The following COLEC10 variants were observed in gnomAD, a reference collection of about 807,000 sequenced individuals.
COLEC10 encodes collectin-10.
COLEC10 carries 22 observed loss-of-function variants against 28.4 expected under a neutral mutation model. The observed-to-expected ratio is 0.78, with a 90% confidence interval of 0.55 to 1.11. The LOEUF (loss-of-function observed/expected upper bound fraction) is 1.11. Among genes scored for constraint, COLEC10 ranks in the 50% least tolerant of loss-of-function variants. COLEC10 has a pLI of 0.00. For missense variants in COLEC10, 361 were observed against 344.1 expected (o/e 1.05, Z -0.39); for synonymous variants, 125 against 116.1 (o/e 1.08, Z -0.49).
At chr8:118,967,643 G>T in the COLEC10 span, among the ~76,000 whole-genome samples, 2 of 152,070 alleles carry the variant, frequency 1.3e-5, no homozygotes, top group South Asian at 2.1e-4. Context: ...ATTTCAGGCT[G>T]CTCAGAGGCT....
At chr8:119,086,028 A>G (rs1033068147) in intron 1 of COLEC10, among the ~76,000 whole-genome samples, 5 of 152,134 alleles carry the variant, frequency 3.3e-5, no homozygotes, top group African/African-American at 1.2e-4. Flanking sequence ...TAATTTTAGC[A>G]TCTCCAAAAT....
the COLEC10 span, among the ~76,000 whole-genome samples, chr8:118,989,534 T>TACACACACACACACACACAC: frequency 2.3e-5 from 3 of 128,660 alleles, no homozygotes; most frequent in African/African-American, 8.9e-5. Flanking sequence ...ACAGACAAAA[T>TACACACACACACACACACAC]ACACACACAC....
upstream of COLEC10, among the ~76,000 whole-genome samples, chr8:118,994,384 C>T (rs1031647775): frequency 3.9e-5 from 6 of 152,150 alleles, no homozygotes; most frequent in Admixed American, 2.0e-4. Flanking sequence ...TTTACATATA[C>T]ATAAAGTTAC....
chr8:118,977,215 A>G, the COLEC10 span, among the ~76,000 whole-genome samples: 1 of 144,222 alleles, frequency 6.9e-6, no homozygotes, highest in African/African-American at 2.5e-5. Context: ...ATCTAGAACT[A>G]GAAATACCAT....
upstream of COLEC10, among the ~76,000 whole-genome samples, chr8:119,064,257 ACACATTATATAGGAATGT>A (rs1297378625): frequency 0.011 from 1,644 of 152,318 alleles, 31 homozygotes; most frequent in African/African-American, 0.037. Context: ...GTAGTATAGT[ACACATTATATAGGAATGT>A]ATTTATATGC....
chr8:118,998,683 C>CAA (rs71569784), intron 1 of COLEC10, among the ~76,000 whole-genome samples: 21,871 of 139,332 alleles, frequency 0.16, 1,777 homozygotes, highest in African/African-American at 0.21. Context: ...CTGAAAAATA[C>CAA]AAAAAAAAAA....
intron 2 of COLEC10, among the ~76,000 whole-genome samples, chr8:119,044,296 TAAGAA>T (rs1437271058): frequency 1.3e-5 from 2 of 152,180 alleles, no homozygotes; most frequent in Non-Finnish European, 2.9e-5. Context: ...TGTCTTCCTA[TAAGAA>T]AATATACAAA....
rs906564481 is a variant in COLEC10 at position 119,107,784 on chromosome 8, C to T, written c.*1593C>T. Among the ~76,000 whole-genome samples, 3 of 152,104 alleles carry T rather than the reference C, an allele frequency of 2.0e-5. No homozygotes were observed. Among genetic ancestry groups the T allele is most frequent in the Non-Finnish European group, 2.9e-5 (2 of 68,016 alleles). ...GCTGCTGCTGGTGCTAGGGAGGACC[C>T]AATCTTGCTAAATGTGCTGATATTT... On this transcript the variant is annotated 3_prime_UTR_variant, in exon 6 of 6. Coordinates refer to ENST00000332843, the MANE Select transcript of COLEC10 (RefSeq NM_006438.5).
chr8:119,076,856 A>G (rs1182798285), intron 1 of COLEC10, among the ~76,000 whole-genome samples: 2 of 152,348 alleles, frequency 1.3e-5, no homozygotes, highest in Non-Finnish European at 2.9e-5. Context: ...AAAGAGGCCC[A>G]TATGTCCAAT....
At chr8:119,008,277 A>G (rs1206865660) in intron 1 of COLEC10, among the ~76,000 whole-genome samples, 3 of 150,868 alleles carry the variant, frequency 2.0e-5, no homozygotes, top group Non-Finnish European at 2.9e-5. Flanking sequence ...AAAGGAGCTA[A>G]TCTGGGAACT....
intron 2 of COLEC10, among the ~76,000 whole-genome samples, chr8:119,050,132 C>A (rs896238194): frequency 6.6e-6 from 1 of 152,276 alleles, no homozygotes; most frequent in South Asian, 2.1e-4. Context: ...AAAGTACTTG[C>A]AACATGAATG....
rs758779378 is a variant in COLEC10, at chr8:119,106,876, C to T, written c.*685C>T. On this transcript the variant is annotated 3_prime_UTR_variant, in exon 6 of 6. Coordinates refer to ENST00000332843, the MANE Select transcript of COLEC10 (RefSeq NM_006438.5). ...CATATACCAAGTAGGTGCTTTGAAC[C>T]CCTTTCTGTAGGCTCACACCTTAAT... Among the ~76,000 whole-genome samples, 3 of 152,046 alleles carry T rather than the reference C, an allele frequency of 2.0e-5. No individual in the cohort carries two copies. Among genetic ancestry groups the T allele is most frequent in the Non-Finnish European group, 4.4e-5 (3 of 68,004 alleles).
In COLEC10 at chr8:119,091,225, G is replaced by A. The variant is rs765065457; in HGVS notation, c.292+5G>A. 1 of 1,609,360 alleles carries A rather than the reference G, an allele frequency of 6.2e-7. No homozygotes were observed. Among genetic ancestry groups the A allele is most frequent in the African/African-American group, 1.3e-5 (1 of 74,874 alleles). On this transcript the variant is annotated splice_donor_5th_base_variant and intron_variant, in intron 3 of 5. Coordinates refer to ENST00000332843, the MANE Select transcript of COLEC10 (RefSeq NM_006438.5). ...CTGGGCCCATTGGGAAGAAGGGTAA[G>A]TTGCATCTTACTATTCTCCAGTAGC... is the stretch of plus-strand genomic sequence containing the variant.
At chr8:119,069,618 AAAAAAAAAAAAATATATATAT>A (rs1462469481) in intron 1 of COLEC10, among the ~76,000 whole-genome samples, 6 of 71,026 alleles carry the variant, frequency 8.4e-5, no homozygotes, top group African/African-American at 3.9e-4. Flanking sequence ...AAAAAAAAAA[AAAAAAAAAAAAATATATATAT>A]ATATATATAT....
intron 2 of COLEC10, among the ~76,000 whole-genome samples, chr8:119,049,249 C>G (rs114680000): frequency 0.015 from 2,238 of 152,162 alleles, 64 homozygotes; most frequent in African/African-American, 0.051. Context: ...TGATCTTTCT[C>G]TCTAGCTGCC....
intron 1 of COLEC10, among the ~76,000 whole-genome samples, chr8:119,087,435 C>T (rs1295572135): frequency 1.3e-5 from 2 of 152,044 alleles, no homozygotes; most frequent in East Asian, 3.9e-4. Flanking sequence ...TTGCTAAACA[C>T]CCTCTGGAAA....
upstream of COLEC10, among the ~76,000 whole-genome samples, chr8:118,994,825 A>G (rs1213218835): frequency 6.6e-6 from 1 of 152,192 alleles, no homozygotes; most frequent in East Asian, 1.9e-4. Flanking sequence ...AATTATGCAC[A>G]TACACTAGAA....
the COLEC10 span, among the ~76,000 whole-genome samples, chr8:118,975,844 T>C: frequency 6.6e-6 from 1 of 151,980 alleles, no homozygotes; most frequent in Non-Finnish European, 1.5e-5. Flanking sequence ...AAGAAGGTAG[T>C]GTTAATTCTG....
intron 1 of COLEC10, among the ~76,000 whole-genome samples, chr8:119,007,720 T>C (rs1813829293): frequency 6.6e-6 from 1 of 151,008 alleles, no homozygotes; most frequent in Non-Finnish European, 1.5e-5. Flanking sequence ...CTGTTTCCCA[T>C]ACCAGTAGTT....
Sources: allele counts gnomAD v4.1 joint callset (sites outside exome capture counted in the v4.1 genomes callset), GRCh38; gene constraint gnomAD v4.1.1; transcripts MANE v1.5; gene names NCBI Gene and HGNC (gene_info 2026-07-23, HGNC 2026-07-21).